Variants in NCKAP5 observed in about 807,000 individuals in gnomAD.
NCKAP5 encodes the protein NCK associated protein 5.
NCKAP5 carries 92 observed loss-of-function variants against 167.0 expected under a neutral mutation model. That is an observed-to-expected ratio of 0.55 (90% CI 0.47 to 0.66). The LOEUF (loss-of-function observed/expected upper bound fraction) is 0.66, where lower values mean the gene tolerates loss of function less well. Among genes scored for constraint, NCKAP5 ranks in the 30% least tolerant of loss-of-function variants. NCKAP5 has a pLI of 0.00. For synonymous variants in NCKAP5, 891 were observed against 877.4 expected, an observed-to-expected ratio of 1.02 and a Z score of -0.27; for missense variants, 2,378 against 2,315.0, an observed-to-expected ratio of 1.03 and a Z score of -0.56.
chr2:132,734,300 T>C (rs1479503446), intron 16 of NCKAP5, among the ~76,000 whole-genome samples: 1 of 152,206 alleles, frequency 6.6e-6, no homozygotes, highest in Admixed American at 6.5e-5. Flanking sequence ...CTTTTCTTAA[T>C]TTTAGCCTAC....
chr2:133,422,087 G>A (rs1335513663), intron 3 of NCKAP5, among the ~76,000 whole-genome samples: 1 of 152,254 alleles, frequency 6.6e-6, no homozygotes, highest in Non-Finnish European at 1.5e-5. Flanking sequence ...AGAGCACAGA[G>A]TGCAGGGGAC....
chr2:133,414,872 T>TCAGG (rs1425501751), intron 3 of NCKAP5, among the ~76,000 whole-genome samples: 1 of 152,214 alleles, frequency 6.6e-6, no homozygotes, highest in Non-Finnish European at 1.5e-5. Context: ...AGTTAACTTA[T>TCAGG]CAGGAGAGTT....
In NCKAP5 at chr2:133,552,640, A is replaced by C. The variant is rs1204343547; in HGVS notation, c.-62+6410T>G. Among the ~76,000 whole-genome samples the C allele has an allele frequency of 2.8e-5, 4 of 142,878 alleles. No homozygotes were observed. The East Asian group carries it at 8.8e-4, about 31-fold the overall frequency. 93.7% of individuals were successfully genotyped at this position (142,878 alleles called of 152,430 possible). A position where few individuals can be genotyped will look rare whatever the true frequency, so the allele number is the denominator to read the frequency against. On this transcript the variant is annotated intron_variant, in intron 2 of 19. Coordinates refer to ENST00000409261, the MANE Select transcript of NCKAP5 (RefSeq NM_207363.3). Reference sequence around the variant, plus strand: ...TGGATAGCATTGGGAGATATACCTAATGCTAGATGACGAGTTAGTGGGTGC... The same window carrying C: ...TGGATAGCATTGGGAGATATACCTACTGCTAGATGACGAGTTAGTGGGTGC...
rs185848127 is a variant in NCKAP5 at position 132,722,499 on chromosome 2, A to T, written c.5713+3128T>A. Among the ~76,000 whole-genome samples the T allele has an allele frequency of 6.2e-3, 941 of 152,236 alleles. 15 individuals are homozygous for T. The highest frequency in any genetic ancestry group is 0.021 in the African/African-American group (882 of 41,536). ...CTTCCTCTTCTCTGTGACTGAGATA[A>T]GGCAGGAGGACCTAGTCTTCTCTTG... is the stretch of plus-strand genomic sequence containing the variant. On this transcript the variant is annotated intron_variant, in intron 19 of 19. Transcript: ENST00000409261.
the NCKAP5 span, among the ~76,000 whole-genome samples, chr2:133,606,841 T>C: frequency 5.3e-5 from 8 of 151,916 alleles, no homozygotes; most frequent in South Asian, 2.1e-4. Context: ...GCAGTGCTGA[T>C]ACCTTGGGAG....
chr2:133,096,771 C>T (rs2081356210), intron 6 of NCKAP5, among the ~76,000 whole-genome samples: 1 of 152,086 alleles, frequency 6.6e-6, no homozygotes, highest in East Asian at 1.9e-4. Flanking sequence ...GAAGTTCATA[C>T]AAGTTCAAAG....
chr2:133,394,873 T>C (rs1687641340), intron 3 of NCKAP5, among the ~76,000 whole-genome samples: 1 of 152,250 alleles, frequency 6.6e-6, no homozygotes, highest in African/African-American at 2.4e-5. Context: ...ACCCATGGTC[T>C]TGCAGGCCTC....
intron 5 of NCKAP5, among the ~76,000 whole-genome samples, chr2:133,195,643 T>C (rs2085403124): frequency 6.6e-6 from 1 of 152,174 alleles, no homozygotes; most frequent in African/African-American, 2.4e-5. Flanking sequence ...AGCAGCCTTA[T>C]TATGGATCTT....
intron 3 of NCKAP5, among the ~76,000 whole-genome samples, chr2:133,501,280 A>C (rs937417751): frequency 6.6e-6 from 1 of 152,226 alleles, no homozygotes; most frequent in African/African-American, 2.4e-5. Flanking sequence ...AGGACATGGA[A>C]TGATAACTAC....
At position 132,868,970 on chromosome 2, in the gene NCKAP5, G is replaced by T; in HGVS notation, c.653C>A (p.Ala218Asp). ...AAGCAGAGCTTGAACAACTTGGTTG[G>T]CTACCTTTAAAAAATAAAGAAAAAG... ...EQYERCLDEV[A>D]NQVVQALLTQ... The change falls in exon 10 of 20, where the codon GCC (alanine) becomes GAC (aspartate). Residue 218 changes from alanine to aspartate, a missense_variant. Physicochemically the swap from Ala to Asp is moderately radical, Grantham distance 126 (BLOSUM62 -2). Transcript: ENST00000409261. 6.5e-7 allele frequency: 1 copy of T among 1,542,130 alleles called. No homozygotes were observed. Among genetic ancestry groups the T allele is most frequent in the Non-Finnish European group, 8.7e-7 (1 of 1,144,324 alleles).
chr2:133,622,270 G>T, the NCKAP5 span, among the ~76,000 whole-genome samples: 1 of 148,716 alleles, frequency 6.7e-6, no homozygotes, highest in South Asian at 2.1e-4. Context: ...ACTTAGTACT[G>T]GCAGTCCTAG....
intron 4 of NCKAP5, among the ~76,000 whole-genome samples, chr2:133,300,201 A>G (rs1198808425): frequency 4.4e-4 from 54 of 121,384 alleles, no homozygotes; most frequent in Middle Eastern, 3.6e-3. Context: ...CCAGAGGTAC[A>G]AGGAGGAACT....
At chr2:133,647,032 A>G in the NCKAP5 span, among the ~76,000 whole-genome samples, 2 of 152,126 alleles carry the variant, frequency 1.3e-5, no homozygotes, top group Non-Finnish European at 2.9e-5. Context: ...AAAAATTGTA[A>G]CAAAACACAA....
At chr2:133,611,712 A>G in the NCKAP5 span, among the ~76,000 whole-genome samples, 1 of 152,188 alleles carries the variant, frequency 6.6e-6, no homozygotes, top group Admixed American at 6.5e-5. Flanking sequence ...GCAGGCTCCC[A>G]CAGGCCATTG....
At chr2:133,194,696 T>C (rs1445894762) in intron 5 of NCKAP5, among the ~76,000 whole-genome samples, 4 of 151,954 alleles carry the variant, frequency 2.6e-5, no homozygotes, top group Non-Finnish European at 4.4e-5. Flanking sequence ...TTACACCTAA[T>C]ACTAAAATTT....
chr2:133,117,539 G>A (rs1482446681), intron 6 of NCKAP5: 1 of 152,170 alleles, frequency 6.6e-6, no homozygotes, highest in Admixed American at 6.5e-5. Context: ...GAAAGTCTGG[G>A]TCTGCAGAAT....
At chr2:132,846,269 G>C (rs1688654563) in intron 11 of NCKAP5, among the ~76,000 whole-genome samples, 1 of 151,974 alleles carries the variant, frequency 6.6e-6, no homozygotes, top group Admixed American at 6.6e-5. Context: ...TTCAGAACTG[G>C]GACATAAATC....
chr2:133,668,019 T>C, the NCKAP5 span, among the ~76,000 whole-genome samples: 12 of 152,150 alleles, frequency 7.9e-5, no homozygotes, highest in East Asian at 1.5e-3. Context: ...ACATTTCACA[T>C]GGAATTATAC....
chr2:133,455,586 T>A (rs1691798733), intron 3 of NCKAP5, among the ~76,000 whole-genome samples: 1 of 152,158 alleles, frequency 6.6e-6, no homozygotes, highest in African/African-American at 2.4e-5. Flanking sequence ...TTCTTTCGTA[T>A]GTTTTTCTGC....
Sources: allele counts gnomAD v4.1 joint callset (sites outside exome capture counted in the v4.1 genomes callset), GRCh38; gene constraint gnomAD v4.1.1; transcripts MANE v1.5; gene names NCBI Gene and HGNC (gene_info 2026-07-23, HGNC 2026-07-21).